The following ESR1 variants were observed in gnomAD, a reference collection of about 807,000 sequenced individuals.
ESR1 encodes estrogen receptor 1.
ESR1 carries 12 observed loss-of-function variants against 52.7 expected under a neutral mutation model. The ratio of observed to expected loss-of-function variants is 0.23; its 90% CI spans 0.15 to 0.37. ESR1 has a LOEUF of 0.37. ESR1 is among the 10% of genes least tolerant of loss of function. ESR1 has a pLI of 1.00. For synonymous variants in ESR1, 305 were observed against 316.8 expected (o/e 0.96, Z 0.39); for missense variants, 584 against 779.7 (o/e 0.75, Z 2.99).
At chr6:151,801,687 C>T (rs542036586), upstream of ESR1, among the ~76,000 whole-genome samples, 9 of 152,302 alleles carry the variant, frequency 5.9e-5, no homozygotes, top group Admixed American at 5.9e-4. Context: ...AATGTGTACC[C>T]TTGCAGACTT....
intron 4 of ESR1, among the ~76,000 whole-genome samples, chr6:151,993,346 G>A (rs1339103553): frequency 6.6e-6 from 1 of 152,150 alleles, no homozygotes; most frequent in African/African-American, 2.4e-5. Context: ...CCAGCAAGGT[G>A]TGGAGCTAGA....
intron 1 of ESR1, among the ~76,000 whole-genome samples, chr6:151,827,291 G>A (rs989163963): frequency 2.2e-4 from 33 of 150,880 alleles, no homozygotes; most frequent in African/African-American, 8.1e-4. Flanking sequence ...TCCAGGAGGT[G>A]GAGGTTGCAG....
At chr6:151,714,797 C>G (rs1322182603) in intron 2 of ESR1, among the ~76,000 whole-genome samples, 1 of 152,094 alleles carries the variant, frequency 6.6e-6, no homozygotes, top group Non-Finnish European at 1.5e-5. Flanking sequence ...ATCCAGTTTG[C>G]CAGTCTGTGT....
chr6:152,108,690 C>T (rs896891584), intron 6 of ESR1, among the ~76,000 whole-genome samples: 3 of 152,092 alleles, frequency 2.0e-5, no homozygotes, highest in African/African-American at 4.8e-5. Flanking sequence ...TTTAAATGTA[C>T]CCATTGGAGT....
chr6:151,683,140 A>T (rs1049487222), intron 1 of ESR1, among the ~76,000 whole-genome samples: 4 of 151,964 alleles, frequency 2.6e-5, no homozygotes, highest in African/African-American at 9.7e-5. Context: ...GTCATTATCT[A>T]GTTTTGTTCT....
rs2152496537 is a variant in ESR1 at position 152,094,527 on chromosome 6, G to A, written c.1512G>A (p.Leu504=). The A allele has an allele frequency of 1.2e-6, 2 of 1,614,098 alleles. No individual in the cohort carries two copies. The highest frequency in any genetic ancestry group is 1.6e-4 in the Middle Eastern group (1 of 6,062). ...GLTLQQQHQR[L]AQLLLILSHI... is the part of the protein sequence containing the mutation. ...CCCTGCAGCAGCAGCACCAGCGGCT[G>A]GCCCAGCTCCTCCTCATCCTCTCCC... Residue 504 remains leucine, a synonymous_variant, in exon 7 of 8, where the codon CTG becomes CTA. Coordinates refer to ENST00000206249, the MANE Select transcript of ESR1 (RefSeq NM_000125.4). This position sits in a 1 kb window ranked among gnomAD's most constrained non-coding sequence, Gnocchi z 4.6.
At chr6:151,728,248 T>C (rs1364526054) in intron 2 of ESR1, among the ~76,000 whole-genome samples, 1 of 152,204 alleles carries the variant, frequency 6.6e-6, no homozygotes, top group African/African-American at 2.4e-5. Flanking sequence ...GATTAAATGA[T>C]ACATTAAAGT....
chr6:152,123,929 T>A (rs11754998), intron 6 of ESR1, among the ~76,000 whole-genome samples: 15,480 of 152,226 alleles, frequency 0.1, 1,020 homozygotes, highest in Non-Finnish European at 0.14. Flanking sequence ...CGGTGGGGGA[T>A]GCGGAGTGAC....
intron 4 of ESR1, among the ~76,000 whole-genome samples, chr6:151,945,598 A>C (rs941468814): frequency 1.3e-5 from 2 of 152,200 alleles, no homozygotes; most frequent in African/African-American, 4.8e-5. Context: ...AGGCAAGAAG[A>C]AGCTAAATTT....
At chr6:151,984,694 A>G (rs1191721437) in intron 4 of ESR1, among the ~76,000 whole-genome samples, 1 of 152,152 alleles carries the variant, frequency 6.6e-6, no homozygotes, top group African/African-American at 2.4e-5. Flanking sequence ...TCTTTCTTGA[A>G]TAAGCTGCTT....
intron 4 of ESR1, among the ~76,000 whole-genome samples, chr6:152,002,758 A>T (rs905360572): frequency 2.6e-5 from 4 of 152,016 alleles, no homozygotes; most frequent in African/African-American, 9.7e-5. Context: ...GCGTGTAAGG[A>T]AAAAAATAAA....
At position 151,899,641 on chromosome 6, in the gene ESR1, G is replaced by A. The variant is rs575615001; in HGVS notation, c.760+18870G>A. 2.0e-3 allele frequency among the ~76,000 whole-genome samples: 304 copies of A among 151,942 alleles called. 1 individual carries two copies. The highest frequency in any genetic ancestry group is 6.2e-3 in the African/African-American group (258 of 41,446). On this transcript the variant is annotated intron_variant, in intron 3 of 7. Transcript: ENST00000206249. Reference sequence around the variant, plus strand: ...CGGAGACGCTCCTCACTTCCCAGACGGGGTGGCTGCCGGGCTGAGGGGCTC... The same window carrying A: ...CGGAGACGCTCCTCACTTCCCAGACAGGGTGGCTGCCGGGCTGAGGGGCTC...
intron 2 of ESR1, among the ~76,000 whole-genome samples, chr6:151,868,878 T>G (rs2128305056): frequency 6.6e-6 from 1 of 152,206 alleles, no homozygotes; most frequent in East Asian, 1.9e-4. Flanking sequence ...TGAAGATGAG[T>G]GAAACCCCTT....
At chr6:151,842,135 T>C (rs959694151) in intron 1 of ESR1, among the ~76,000 whole-genome samples, 4 of 152,180 alleles carry the variant, frequency 2.6e-5, no homozygotes, top group Non-Finnish European at 4.4e-5. Context: ...AAAATTTGAA[T>C]TGTTATTTTT....
chr6:151,765,485 G>C (rs530805615), intron 2 of ESR1, among the ~76,000 whole-genome samples: 2 of 152,320 alleles, frequency 1.3e-5, no homozygotes, highest in East Asian at 3.9e-4. Context: ...AATATATTTG[G>C]AATAAAAATT....
intron 1 of ESR1, among the ~76,000 whole-genome samples, chr6:151,816,348 G>A (rs1368507838): frequency 2.6e-5 from 4 of 152,172 alleles, no homozygotes; most frequent in African/African-American, 9.7e-5. Context: ...ATTCTGGCGT[G>A]ACTCCTGTGT....
At chr6:151,764,517 A>G (rs1293673845) in intron 2 of ESR1, among the ~76,000 whole-genome samples, 1 of 152,152 alleles carries the variant, frequency 6.6e-6, no homozygotes, top group African/African-American at 2.4e-5. Flanking sequence ...GCAGGGAGTC[A>G]GTCCTCGCAA....
At chr6:151,960,111 GA>G (rs1275691848) in intron 4 of ESR1, among the ~76,000 whole-genome samples, 1 of 152,122 alleles carries the variant, frequency 6.6e-6, no homozygotes, top group Non-Finnish European at 1.5e-5. Flanking sequence ...AAAACTTAGA[GA>G]AAAACTGCCT....
intron 2 of ESR1, among the ~76,000 whole-genome samples, chr6:151,747,474 T>G (rs1406504375): frequency 1.3e-5 from 2 of 152,254 alleles, no homozygotes; most frequent in Non-Finnish European, 1.5e-5. Flanking sequence ...CAATCTCATC[T>G]GCTCTTTGCA....
Sources: gnomAD v4.1 joint callset for allele counts (sites outside exome capture counted in the v4.1 genomes callset) on GRCh38, gnomAD v4.1.1 for gene constraint, Gnocchi (gnomAD v3.1) non-coding constraint, MANE v1.5 for transcripts, NCBI Gene and HGNC (gene_info 2026-07-23, HGNC 2026-07-21) for gene names.